The following RETREG3 variants were observed in gnomAD, a reference collection of about 807,000 sequenced individuals.
RETREG3 encodes the protein reticulophagy regulator family member 3, also known as reticulophagy regulator 3.
In RETREG3, 23 loss-of-function variants were observed where a neutral mutation model predicts 50.2. That is an observed-to-expected ratio of 0.46 (90% CI 0.33 to 0.65). The LOEUF is 0.65. Among genes scored for constraint, RETREG3 ranks in the 30% least tolerant of loss-of-function variants. The pLI is 0.02. For synonymous variants in RETREG3, 240 were observed against 234.4 expected (o/e 1.02, Z -0.22); for missense variants, 546 against 598.0 (o/e 0.91, Z 0.91).
intron 1 of RETREG3, among the ~76,000 whole-genome samples, chr17:42,605,836 C>G (rs1324815724): frequency 6.6e-6 from 1 of 151,762 alleles, no homozygotes; most frequent in Non-Finnish European, 1.5e-5. Context: ...TACAAAAATA[C>G]AAAAATTAGC....
intron 1 of RETREG3, among the ~76,000 whole-genome samples, chr17:42,607,198 G>A (rs1305010030): frequency 1.3e-5 from 2 of 151,698 alleles, no homozygotes; most frequent in East Asian, 3.9e-4. Flanking sequence ...AGTACCTAGG[G>A]GTCAAGGAAG....
chr17:42,586,221 CAG>C, intron 4 of RETREG3, 84 bp from the exon 5 acceptor site: 1 of 1,263,452 alleles, frequency 7.9e-7, no homozygotes, highest in East Asian at 2.3e-5. Flanking sequence ...AGAGATATGA[CAG>C]AAAGACTCTG....
chr17:42,601,069 A>G (rs2093157467), intron 1 of RETREG3, among the ~76,000 whole-genome samples: 1 of 152,212 alleles, frequency 6.6e-6, no homozygotes. Context: ...TGACATCAGG[A>G]GTTCAAGACC....
At chr17:42,609,029 C>G in intron 1 of RETREG3, 57 bp downstream of exon 1, 1 of 1,549,062 alleles carries the variant, frequency 6.5e-7, no homozygotes, top group Non-Finnish European at 8.8e-7. Flanking sequence ...AAGTAGAGCC[C>G]TAGAGGAACC....
chr17:42,587,815 TTTAA>T lies in RETREG3; in HGVS notation c.377+15_377+18del, dbSNP rs760215406. ...AATGAATCAGAGCAACAAAAAGGGA[TTTAA>T]TTAGTGTTCCATACCTCTCATTGTC... On this transcript the variant is annotated intron_variant, in intron 3 of 8. Transcript: ENST00000309428. 5 of 1,614,030 alleles carry T rather than the reference TTTAA, an allele frequency of 3.1e-6. No homozygotes were observed. In the African/African-American group the frequency reaches 5.3e-5, roughly 17 times the overall value.
chr17:42,588,963 G>C (rs2093126871), intron 2 of RETREG3, among the ~76,000 whole-genome samples: 1 of 152,162 alleles, frequency 6.6e-6, no homozygotes, highest in Admixed American at 6.5e-5. Context: ...CAGCCTGCCT[G>C]TTCTCTTTAA....
In RETREG3 at chr17:42,588,790, T is replaced by C. The variant is rs9915025; in HGVS notation, c.347-926A>G. On this transcript the variant is annotated intron_variant, in intron 2 of 8. Transcript: ENST00000309428. ...CTCCTGCCTCAGCCTCCCAAGTAGCTGGGATTATAGGCACCTGCCACCACG... is the reference window on the plus strand; with the variant it reads ...CTCCTGCCTCAGCCTCCCAAGTAGCCGGGATTATAGGCACCTGCCACCACG... 9.2e-3 allele frequency among the ~76,000 whole-genome samples: 1,407 copies of C among 152,234 alleles called. 32 individuals are homozygous for C. Among genetic ancestry groups the C allele is most frequent in the African/African-American group, 0.032 (1,335 of 41,532 alleles).
chr17:42,586,446 C>T (rs2093121400), intron 4 of RETREG3: 2 of 414,920 alleles, frequency 4.8e-6, no homozygotes, highest in Middle Eastern at 6.6e-4. Context: ...AACAGAAACA[C>T]ACACAAAACC....
chr17:42,600,386 A>G (rs945168189), intron 1 of RETREG3, among the ~76,000 whole-genome samples: 1 of 152,154 alleles, frequency 6.6e-6, no homozygotes, highest in Non-Finnish European at 1.5e-5. Flanking sequence ...TGTCTCGAAA[A>G]GAAAAAAAAA....
chr17:42,583,619 C>G (rs763454207), intron 6 of RETREG3, 39 bp from the exon 7 acceptor site: 1 of 1,591,218 alleles, frequency 6.3e-7, no homozygotes, highest in South Asian at 1.1e-5. Flanking sequence ...ATACCTTCTC[C>G]CAGCGTAAAA....
chr17:42,586,156 G>GTTA lies in RETREG3; in HGVS notation c.505-20_505-19insTAA. On this transcript the variant is annotated intron_variant, in intron 4 of 8. Coordinates refer to ENST00000309428, the MANE Select transcript of RETREG3 (RefSeq NM_178126.4). The stretch of plus-strand genomic sequence containing the variant: ...AGCAGAACTGGGGAATCAAGAAAGA[G>GTTA]TATTAAGTTTCTGTCACATGGCAGG... 1 of 1,613,212 alleles carries GTTA rather than the reference G, an allele frequency of 6.2e-7. No homozygotes were observed. Among genetic ancestry groups the GTTA allele is most frequent in the Non-Finnish European group, 8.5e-7 (1 of 1,179,484 alleles).
intron 1 of RETREG3, among the ~76,000 whole-genome samples, chr17:42,595,655 T>C (rs2093142616): frequency 6.7e-6 from 1 of 149,900 alleles, no homozygotes; most frequent in Admixed American, 6.6e-5. Context: ...GACAACCCTA[T>C]TTCTTTCTTT....
At chr17:42,600,558 G>A (rs1397093843) in intron 1 of RETREG3, among the ~76,000 whole-genome samples, 2 of 151,954 alleles carry the variant, frequency 1.3e-5, no homozygotes, top group Non-Finnish European at 2.9e-5. Context: ...TCAATAATTT[G>A]TGTCAAACAA....
At chr17:42,591,067 T>C (rs1323862440) in intron 2 of RETREG3, among the ~76,000 whole-genome samples, 1 of 152,252 alleles carries the variant, frequency 6.6e-6, no homozygotes, top group Non-Finnish European at 1.5e-5. Context: ...ATCCTGGCCA[T>C]ATGATCAATT....
At chr17:42,607,763 G>C (rs2093170865) in intron 1 of RETREG3, among the ~76,000 whole-genome samples, 1 of 147,672 alleles carries the variant, frequency 6.8e-6, no homozygotes, top group Admixed American at 6.8e-5. Context: ...CCGAGATCAC[G>C]CCATTGCACT....
At position 42,580,680 on chromosome 17, in the gene RETREG3, A is replaced by G. The variant is rs8079855; in HGVS notation, c.*1133T>C. 0.35 allele frequency: 53,693 copies of G among 152,120 alleles called. 10,296 individuals carry two copies. The highest frequency in any genetic ancestry group is 0.54 in the East Asian group (2,849 of 5,296). 9.4% of individuals were successfully genotyped at this position (152,120 alleles called of 1,614,324 possible). A position where few individuals can be genotyped will look rare whatever the true frequency, so the allele number is the denominator to read the frequency against. On this transcript the variant is annotated 3_prime_UTR_variant, in exon 9 of 9. Coordinates refer to ENST00000309428, the MANE Select transcript of RETREG3 (RefSeq NM_178126.4). ...ACTGGGGTTCAGGCCCCAAGAAATGATGGGCTAGATGAGAGGGAGCAGGCC... is the reference window on the plus strand; with the variant it reads ...ACTGGGGTTCAGGCCCCAAGAAATGGTGGGCTAGATGAGAGGGAGCAGGCC...
At chr17:42,597,517 GTGTGTGTA>G (rs2093147850) in intron 1 of RETREG3, among the ~76,000 whole-genome samples, 3 of 123,928 alleles carry the variant, frequency 2.4e-5, no homozygotes, top group South Asian at 2.5e-4. Context: ...GTGTGTGTGT[GTGTGTGTA>G]TATATATATA....
intron 1 of RETREG3, among the ~76,000 whole-genome samples, chr17:42,607,499 CAAAAAAAA>C (rs34542887): frequency 8.5e-4 from 40 of 46,938 alleles, no homozygotes; most frequent in Non-Finnish European, 1.2e-3. Context: ...GACCTTGTCT[CAAAAAAAA>C]AAAAAAAAAA....
intron 1 of RETREG3, among the ~76,000 whole-genome samples, chr17:42,592,466 T>G (rs1216995634): frequency 6.6e-6 from 1 of 152,224 alleles, no homozygotes; most frequent in African/African-American, 2.4e-5. Context: ...AAATTCATCC[T>G]TGATAACAAG....
Sources: allele counts gnomAD v4.1 joint callset (sites outside exome capture counted in the v4.1 genomes callset), GRCh38; gene constraint gnomAD v4.1.1; transcripts MANE v1.5; gene names NCBI Gene and HGNC (gene_info 2026-07-23, HGNC 2026-07-21).